Variants in ADTRP observed in about 807,000 individuals in gnomAD.
ADTRP encodes androgen-dependent TFPI-regulating protein.
Under a neutral mutation model 27.0 loss-of-function variants are expected in ADTRP, and 20 were observed. The ratio of observed to expected loss-of-function variants is 0.74; its 90% confidence interval spans 0.52 to 1.08. ADTRP has a LOEUF of 1.08. Ranked by LOEUF, ADTRP falls within the 50% of genes least tolerant of loss-of-function variation. The probability of loss-of-function intolerance (pLI) is 0.00; values close to 1 mark genes in which losing one functional copy is unlikely to be tolerated. For missense variants in ADTRP, 251 were observed against 275.0 expected, an observed-to-expected ratio of 0.91 and a Z score of 0.62; for synonymous variants, 101 against 105.2, an observed-to-expected ratio of 0.96 and a Z score of 0.25.
intron 3 of ADTRP, among the ~76,000 whole-genome samples, chr6:11,740,501 A>C (rs936606954): frequency 2.0e-5 from 3 of 152,254 alleles, no homozygotes; most frequent in African/African-American, 7.2e-5. Context: ...AAATGGAGGC[A>C]AAACAAACCT....
At chr6:11,754,371 T>A (rs1448942291) in intron 3 of ADTRP, among the ~76,000 whole-genome samples, 1 of 152,136 alleles carries the variant, frequency 6.6e-6, no homozygotes, top group Non-Finnish European at 1.5e-5. Flanking sequence ...TTGAAGAGAC[T>A]GAGGAGGGAG....
chr6:11,714,828 A>G (rs1410585397), intron 5 of ADTRP, among the ~76,000 whole-genome samples: 1 of 152,212 alleles, frequency 6.6e-6, no homozygotes, highest in Non-Finnish European at 1.5e-5. Flanking sequence ...TGCAGGCTAC[A>G]CACAATCCAT....
intron 3 of ADTRP, chr6:11,755,162 T>A (rs1276857544): frequency 2.0e-5 from 14 of 710,780 alleles, no homozygotes; most frequent in South Asian, 6.5e-5. Context: ...GGTCACTGAA[T>A]AATTTTAATT....
chr6:11,739,344 C>T (rs1762646182), intron 3 of ADTRP, among the ~76,000 whole-genome samples: 1 of 152,130 alleles, frequency 6.6e-6, no homozygotes, highest in Non-Finnish European at 1.5e-5. Flanking sequence ...CTTTCCTTGT[C>T]CTTAAAGTCA....
At chr6:11,770,848 C>T (rs1024352907) in intron 1 of ADTRP, among the ~76,000 whole-genome samples, 2 of 152,176 alleles carry the variant, frequency 1.3e-5, no homozygotes, top group Non-Finnish European at 2.9e-5. Flanking sequence ...CGCAGCAGGC[C>T]AGGCTGCTGC....
chr6:11,715,381 A>G (rs1056198364), intron 5 of ADTRP, among the ~76,000 whole-genome samples: 9 of 152,190 alleles, frequency 5.9e-5, no homozygotes, highest in African/African-American at 1.2e-4. Flanking sequence ...CTTAGAGGCT[A>G]TCATGACTGG....
chr6:11,720,572 T>C (rs210908), intron 5 of ADTRP, among the ~76,000 whole-genome samples: 128,837 of 151,586 alleles, frequency 0.85, 55,210 homozygotes, highest in East Asian at 1. Context: ...CCTGGTTTCA[T>C]GCCATTCTCC....
At chr6:11,727,591 T>G (rs539483621) in intron 4 of ADTRP, among the ~76,000 whole-genome samples, 1 of 152,252 alleles carries the variant, frequency 6.6e-6, no homozygotes, top group East Asian at 1.9e-4. Context: ...AGTCTATAAA[T>G]AAGGACATCC....
At chr6:11,726,670 G>A (rs1762214392) in intron 4 of ADTRP, among the ~76,000 whole-genome samples, 2 of 152,330 alleles carry the variant, frequency 1.3e-5, no homozygotes, top group South Asian at 2.1e-4. Flanking sequence ...GGGAGTTATT[G>A]TTTAACGGGT....
At chr6:11,774,319 T>TAAATAAATA (rs1263172221) in intron 1 of ADTRP, among the ~76,000 whole-genome samples, 1 of 151,342 alleles carries the variant, frequency 6.6e-6, no homozygotes, top group Admixed American at 6.6e-5. Context: ...CAAAAATAAA[T>TAAATAAATA]AAATAAATAA....
intron 1 of ADTRP, among the ~76,000 whole-genome samples, chr6:11,777,025 A>G (rs948704848): frequency 6.6e-6 from 1 of 152,240 alleles, no homozygotes; most frequent in Non-Finnish European, 1.5e-5. Context: ...GCTTAATATA[A>G]GCCTGGAATG....
At chr6:11,771,075 G>T (rs936352620) in intron 1 of ADTRP, among the ~76,000 whole-genome samples, 3 of 152,150 alleles carry the variant, frequency 2.0e-5, no homozygotes, top group Non-Finnish European at 4.4e-5. Flanking sequence ...ACTTTCTCCT[G>T]CCTCTCCCAG....
chr6:11,745,859 C>T (rs1048207662), intron 3 of ADTRP, among the ~76,000 whole-genome samples: 4 of 152,050 alleles, frequency 2.6e-5, no homozygotes, highest in East Asian at 1.9e-4. Flanking sequence ...GACATGATCT[C>T]GGCTCACTGC....
At chr6:11,757,077 A>T (rs554568057) in intron 3 of ADTRP, among the ~76,000 whole-genome samples, 1 of 152,380 alleles carries the variant, frequency 6.6e-6, no homozygotes, top group South Asian at 2.1e-4. Flanking sequence ...TTAAGTGTGT[A>T]TCAGAAATAT....
chr6:11,768,121 A>T (rs140588642), intron 2 of ADTRP, 128 bp downstream of exon 2: 14,744 of 1,162,742 alleles, frequency 0.013, 145 homozygotes, highest in South Asian at 0.03. Flanking sequence ...GTCCTCAGAC[A>T]GGACATTGTT....
chr6:11,716,722 T>TTTCTTTTTC (rs952582802), intron 5 of ADTRP, among the ~76,000 whole-genome samples: 1 of 145,768 alleles, frequency 6.9e-6, no homozygotes, highest in African/African-American at 2.5e-5. Flanking sequence ...TCTTTTTCTT[T>TTTCTTTTTC]TTTTTTTTTT....
Position 11,725,899 on chromosome 6 carries a change from C to CAAAAA in ADTRP, c.507-2404_507-2400dup, listed in dbSNP as rs59048593. Reference sequence around the variant, plus strand: ...TGGGCGAGAGAATGAGACTCTATCTCAAAAAAAAAAAAAAAAGGAATTGAA... The same window carrying CAAAAA: ...TGGGCGAGAGAATGAGACTCTATCTCAAAAAAAAAAAAAAAAAAAAAGGAATTGAA... On this transcript the variant is annotated intron_variant, in intron 4 of 5. Coordinates refer to ENST00000414691, the MANE Select transcript of ADTRP (RefSeq NM_032744.4). Among the ~76,000 whole-genome samples, 6 of 89,934 alleles carry CAAAAA rather than the reference C, an allele frequency of 6.7e-5. 1 individual carries two copies. Among genetic ancestry groups the CAAAAA allele is most frequent in the Non-Finnish European group, 1.3e-4 (6 of 46,922 alleles). 59.0% of individuals were successfully genotyped at this position (89,934 alleles called of 152,430 possible).
Position 11,735,640 on chromosome 6 carries a change from C to CT in ADTRP, c.433dup (p.Arg145LysfsTer32). ...CTTCTTTGATGGATAGGAGTGAGGC[C>CT]TGAGGACGACTTCAGCCAATGTGAT... On this transcript the variant is annotated frameshift_variant, in exon 4 of 6. Transcript: ENST00000414691. LOFTEE classifies it high-confidence loss of function. 6.2e-7 allele frequency: 1 copy of CT among 1,614,080 alleles called. No homozygotes were observed. Among genetic ancestry groups the CT allele is most frequent in the Non-Finnish European group, 8.5e-7 (1 of 1,179,976 alleles).
At chr6:11,775,380 C>T (rs1465861418) in intron 1 of ADTRP, among the ~76,000 whole-genome samples, 1 of 152,002 alleles carries the variant, frequency 6.6e-6, no homozygotes, top group African/African-American at 2.4e-5. Context: ...TGGTTAGGTA[C>T]TATTTTTATT....
Sources: gnomAD v4.1 joint callset for allele counts (sites outside exome capture counted in the v4.1 genomes callset) on GRCh38, gnomAD v4.1.1 for gene constraint, MANE v1.5 for transcripts, NCBI Gene and HGNC (gene_info 2026-07-23, HGNC 2026-07-21) for gene names.